SNTB1: variants seen among roughly 807,000 people sequenced by gnomAD.
SNTB1 encodes syntrophin beta 1.
A neutral mutation model predicts 48.9 loss-of-function variants in SNTB1; 36 were observed. That is an observed-to-expected ratio of 0.74 (90% confidence interval 0.56 to 0.97). The LOEUF is 0.97. SNTB1 is among the 50% of genes least tolerant of loss of function. The pLI is 0.00. For missense variants in SNTB1, 786 were observed against 703.4 expected (o/e 1.12, Z -1.33); for synonymous variants, 299 against 294.6 (o/e 1.01, Z -0.15).
chr8:120,808,498 A>G (rs937521725), intron 1 of SNTB1, among the ~76,000 whole-genome samples: 1 of 152,226 alleles, frequency 6.6e-6, no homozygotes, highest in Non-Finnish European at 1.5e-5. Context: ...AAAAGATAGA[A>G]CTGTCCTTGA....
intron 2 of SNTB1, among the ~76,000 whole-genome samples, chr8:120,683,901 C>T (rs1390591067): frequency 1.3e-5 from 2 of 152,190 alleles, no homozygotes; most frequent in Non-Finnish European, 2.9e-5. Context: ...ATTAAGTCAT[C>T]TAATCATAAT....
chr8:120,661,656 A>G (rs1385416838), intron 2 of SNTB1, among the ~76,000 whole-genome samples: 1 of 151,684 alleles, frequency 6.6e-6, no homozygotes, highest in Admixed American at 6.6e-5. Flanking sequence ...TTTCCCCACA[A>G]CGCCCCATAG....
intron 2 of SNTB1, among the ~76,000 whole-genome samples, chr8:120,672,123 A>G (rs1817768058): frequency 6.6e-6 from 1 of 151,828 alleles, no homozygotes; most frequent in South Asian, 2.1e-4. Flanking sequence ...ATTTTGCTCA[A>G]CTGTAGGCTA....
intron 1 of SNTB1, chr8:120,769,679 A>G (rs974730595): frequency 1.3e-5 from 2 of 152,272 alleles, no homozygotes; most frequent in East Asian, 1.9e-4. Context: ...CAGCCATCTC[A>G]GCCTAGGGGT....
At chr8:120,779,801 T>C (rs189185886) in intron 1 of SNTB1, among the ~76,000 whole-genome samples, 195 of 152,194 alleles carry the variant, frequency 1.3e-3, no homozygotes, top group African/African-American at 4.5e-3. Context: ...GATGATAGTT[T>C]TGGTTTGAGG....
intron 3 of SNTB1, among the ~76,000 whole-genome samples, chr8:120,629,258 C>G (rs2130750333): frequency 6.6e-6 from 1 of 152,312 alleles, no homozygotes; most frequent in African/African-American, 2.4e-5. Flanking sequence ...TAATATTAAA[C>G]TTTCCTCCTG....
chr8:120,550,856 A>G (rs996868727), intron 4 of SNTB1, among the ~76,000 whole-genome samples: 6 of 152,396 alleles, frequency 3.9e-5, no homozygotes, highest in Admixed American at 3.3e-4. Context: ...AAAGGTATCT[A>G]CAAGGAGCAA....
At chr8:120,550,604 C>G (rs184715302) in intron 4 of SNTB1, among the ~76,000 whole-genome samples, 1 of 149,424 alleles carries the variant, frequency 6.7e-6, no homozygotes, top group East Asian at 2.0e-4. Flanking sequence ...AGAGTAGAGT[C>G]TAGGACAGTG....
At chr8:120,673,927 A>G (rs1817794635) in intron 2 of SNTB1, among the ~76,000 whole-genome samples, 1 of 152,200 alleles carries the variant, frequency 6.6e-6, no homozygotes, top group Non-Finnish European at 1.5e-5. Flanking sequence ...AACTCTTACA[A>G]GTAGGCCTAC....
At chr8:120,565,383 A>G (rs1815732235) in intron 4 of SNTB1, among the ~76,000 whole-genome samples, 1 of 152,192 alleles carries the variant, frequency 6.6e-6, no homozygotes, top group African/African-American at 2.4e-5. Context: ...CATATTACTG[A>G]TGAAGGACTT....
Position 120,668,689 on chromosome 8 carries a change from T to A in SNTB1, c.788+25003A>T, listed in dbSNP as rs529263707. Among the ~76,000 whole-genome samples the A allele has an allele frequency of 2.0e-5, 3 of 152,312 alleles. No individual in the cohort carries two copies. In the South Asian group the frequency reaches 6.2e-4, roughly 32 times the overall value. On this transcript the variant is annotated intron_variant, in intron 2 of 6. Coordinates refer to ENST00000517992, the MANE Select transcript of SNTB1 (RefSeq NM_021021.4). ...GACCAATTATAGGGTCTGTATATTA[T>A]CCATGCTTTTAGTACTCTCTCCTTT...
rs1334139603 is a variant in SNTB1, at chr8:120,775,742, GGAAGGAAGGAAGGAAA to G, written c.571+35515_571+35530del. ...AGGAAGGAAGGAAGGAAGGAAGGAA[GGAAGGAAGGAAGGAAA>G]GAAGGAAAGAAGGAAGGAACAGAAA... On this transcript the variant is annotated intron_variant, in intron 1 of 6. Coordinates refer to ENST00000517992, the MANE Select transcript of SNTB1 (RefSeq NM_021021.4). Among the ~76,000 whole-genome samples, 34 of 146,996 alleles carry G rather than the reference GGAAGGAAGGAAGGAAA, an allele frequency of 2.3e-4. 1 individual carries two copies. Among genetic ancestry groups the G allele is most frequent in the African/African-American group, 8.9e-4 (34 of 38,166 alleles).
intron 1 of SNTB1, among the ~76,000 whole-genome samples, chr8:120,704,884 A>C (rs1818355825): frequency 6.6e-6 from 1 of 152,362 alleles, no homozygotes; most frequent in African/African-American, 2.4e-5. Context: ...AACATGTAGG[A>C]CAGGGAGAAC....
intron 1 of SNTB1, among the ~76,000 whole-genome samples, chr8:120,703,907 A>C (rs1424337846): frequency 6.6e-6 from 1 of 152,246 alleles, no homozygotes; most frequent in Non-Finnish European, 1.5e-5. Context: ...TGAAGTAGGC[A>C]TACTATTACG....
intron 4 of SNTB1, among the ~76,000 whole-genome samples, chr8:120,569,168 A>T (rs1170188096): frequency 1.3e-5 from 2 of 151,998 alleles, no homozygotes; most frequent in Non-Finnish European, 2.9e-5. Context: ...TTTAGTAGAG[A>T]CGGGGTTTCA....
At chr8:120,597,312 T>C (rs1168900955) in intron 3 of SNTB1, among the ~76,000 whole-genome samples, 1 of 152,206 alleles carries the variant, frequency 6.6e-6, no homozygotes, top group Admixed American at 6.5e-5. Flanking sequence ...GAATTCTAGG[T>C]CTATGAGAGA....
intron 2 of SNTB1, among the ~76,000 whole-genome samples, chr8:120,666,968 A>G (rs1817681865): frequency 6.6e-6 from 1 of 152,110 alleles, no homozygotes; most frequent in Admixed American, 6.5e-5. Context: ...TTAACTATTT[A>G]AAGGTCCATG....
Position 120,537,747 on chromosome 8 carries a change from T to C in SNTB1, c.*1130A>G, listed in dbSNP as rs1815223547. 1 of 152,252 alleles carries C rather than the reference T, an allele frequency of 6.6e-6. No homozygotes were observed. Among genetic ancestry groups the C allele is most frequent in the African/African-American group, 2.4e-5 (1 of 41,462 alleles). The allele number at this position is 152,252 out of a possible 1,614,324, so 9.4% of individuals were successfully genotyped here. A position where few individuals can be genotyped will look rare whatever the true frequency, so the allele number is the denominator to read the frequency against. On this transcript the variant is annotated 3_prime_UTR_variant, in exon 7 of 7. Coordinates refer to ENST00000517992, the MANE Select transcript of SNTB1 (RefSeq NM_021021.4). ...ATTAAATCAGTAATGTGCTATATAA[T>C]GTCTGAAAATATTCCTGTAGAAAGA...
At chr8:120,758,062 A>C (rs1469479372) in intron 1 of SNTB1, among the ~76,000 whole-genome samples, 1 of 152,188 alleles carries the variant, frequency 6.6e-6, no homozygotes, top group East Asian at 1.9e-4. Flanking sequence ...ACGTAAAAAC[A>C]AGTAACACAT....
Sources: gnomAD v4.1 joint callset for allele counts (sites outside exome capture counted in the v4.1 genomes callset) on GRCh38, gnomAD v4.1.1 for gene constraint, MANE v1.5 for transcripts, NCBI Gene and HGNC (gene_info 2026-07-23, HGNC 2026-07-21) for gene names.